SLC39A14: variants seen among roughly 807,000 people sequenced by gnomAD.
SLC39A14 encodes solute carrier family 39 member 14, also known as metal cation symporter ZIP14.
A neutral mutation model predicts 45.5 loss-of-function variants in SLC39A14; 19 were observed. The ratio of observed to expected loss-of-function variants is 0.42; its 90% CI spans 0.29 to 0.61. The LOEUF is 0.61. Ranked by LOEUF, SLC39A14 falls within the 20% of genes least tolerant of loss-of-function variation. The pLI is 0.22. For synonymous variants in SLC39A14, 264 were observed against 251.3 expected (o/e 1.05, Z -0.48); for missense variants, 447 against 616.5 (o/e 0.73, Z 2.91).
intron 7 of SLC39A14, 44 bp downstream of exon 7, chr8:22,416,324 G>A: frequency 1.9e-6 from 3 of 1,549,096 alleles, no homozygotes; most frequent in Non-Finnish European, 1.8e-6. Flanking sequence ...CTTGGGTGGT[G>A]GTGTAGGCCC....
intron 1 of SLC39A14, among the ~76,000 whole-genome samples, chr8:22,369,668 G>A (rs60149886): frequency 0.01 from 1,540 of 152,298 alleles, 25 homozygotes; most frequent in East Asian, 0.069. Context: ...GGCCTTTTGA[G>A]ATAGGTGGGT....
chr8:22,384,857 G>A (rs952795564), intron 1 of SLC39A14, among the ~76,000 whole-genome samples: 4 of 151,542 alleles, frequency 2.6e-5, no homozygotes, highest in Non-Finnish European at 5.9e-5. Context: ...TCAGACCAGC[G>A]TCACCAACAA....
rs35361668 is a variant in SLC39A14, at chr8:22,412,065, C to A, written c.486C>A (p.Thr162=). ...GGGGATACGGTCTCCTCTGTGTGACCGTCATCTCCCTCTGCTCCCTCCTGG... is the reference window on the plus strand; with the variant it reads ...GGGGATACGGTCTCCTCTGTGTGACAGTCATCTCCCTCTGCTCCCTCCTGG... ...EVWGYGLLCV[T]VISLCSLLGA... is the part of the protein sequence containing the mutation. The change falls in exon 4 of 9, where the codon ACC becomes ACA. Residue 162 remains threonine, a synonymous_variant. Transcript: ENST00000381237. The A allele has an allele frequency of 1.9e-6, 3 of 1,551,418 alleles. No individual in the cohort carries two copies. Among genetic ancestry groups the A allele is most frequent in the Non-Finnish European group, 2.6e-6 (3 of 1,146,998 alleles).
At chr8:22,390,817 C>G (rs1834033002) in intron 1 of SLC39A14, among the ~76,000 whole-genome samples, 1 of 152,126 alleles carries the variant, frequency 6.6e-6, no homozygotes, top group Non-Finnish European at 1.5e-5. Context: ...ATCCTCCCAC[C>G]TCAGCCTCTC....
intron 5 of SLC39A14, 29 bp from the exon 6 acceptor site, chr8:22,415,740 A>C (rs752944188): frequency 6.2e-7 from 1 of 1,600,556 alleles, no homozygotes; most frequent in Admixed American, 1.8e-5. Flanking sequence ...GGTGAATGTC[A>C]TGCTGATCCC....
Position 22,429,089 on chromosome 8 carries a change from G to A in SLC39A14, c.1333-4802G>A, listed in dbSNP as rs113231416. ...AGATCGAGACCATCCTGGCTAACAC[G>A]GTGAAACCCCGTCTCTACTAAAAAT... On this transcript the variant is annotated intron_variant, in intron 8 of 8. Coordinates refer to the SLC39A14 transcript ENST00000240095. Among the ~76,000 whole-genome samples, 1,505 of 152,036 alleles carry A rather than the reference G, an allele frequency of 9.9e-3. 27 individuals are homozygous for A. The highest frequency in any genetic ancestry group is 0.034 in the African/African-American group (1,427 of 41,476).
downstream of SLC39A14, among the ~76,000 whole-genome samples, chr8:22,426,725 C>G (rs780833469): frequency 9.9e-5 from 15 of 151,916 alleles, no homozygotes; most frequent in South Asian, 2.1e-4. Flanking sequence ...ACTCTGTTGC[C>G]CAGGCTGGAG....
intron 1 of SLC39A14, among the ~76,000 whole-genome samples, chr8:22,384,728 C>CAGA (rs1246281905): frequency 7.4e-6 from 1 of 135,392 alleles, no homozygotes; most frequent in African/African-American, 2.9e-5. Context: ...GCCTGGGCAA[C>CAGA]AGAGTGAGAC....
At position 22,420,740 on chromosome 8, in the gene SLC39A14, T is replaced by C. The variant is rs867169404; in HGVS notation, c.*1042T>C. ...GAATCAGTGCAGGCAAAATTTAGGA[T>C]TTGCCGCTTCCATAAATCAAAGCAT... On this transcript the variant is annotated 3_prime_UTR_variant, in exon 9 of 9. Coordinates refer to ENST00000381237, the MANE Select transcript of SLC39A14 (RefSeq NM_001128431.4). 6.1e-6 allele frequency: 6 copies of C among 985,346 alleles called. No homozygotes were observed. In the Middle Eastern group the frequency reaches 2.6e-3, roughly 429 times the overall value. The allele number at this position is 985,346 out of a possible 1,614,324, so 61.0% of individuals were successfully genotyped here.
downstream of SLC39A14, among the ~76,000 whole-genome samples, chr8:22,427,659 A>G (rs144295605): frequency 5.4e-3 from 828 of 152,320 alleles, 3 homozygotes; most frequent in African/African-American, 0.017. Flanking sequence ...GTGGCCCTTG[A>G]AGTGAAATAT....
downstream of SLC39A14, among the ~76,000 whole-genome samples, chr8:22,423,988 T>C (rs1014723410): frequency 6.6e-6 from 1 of 151,916 alleles, no homozygotes; most frequent in African/African-American, 2.4e-5. Flanking sequence ...TAATTTTTTT[T>C]TTTTTATAGA....
chr8:22,370,169 T>G (rs943337545), intron 1 of SLC39A14, among the ~76,000 whole-genome samples: 1 of 151,954 alleles, frequency 6.6e-6, no homozygotes, highest in Non-Finnish European at 1.5e-5. Context: ...TGTGTGCACA[T>G]CTGTGCACAT....
intron 8 of SLC39A14, among the ~76,000 whole-genome samples, chr8:22,418,042 A>G (rs1053479187): frequency 6.6e-6 from 1 of 152,062 alleles, no homozygotes; most frequent in Non-Finnish European, 1.5e-5. Context: ...AGCTGGGATT[A>G]CAGACGTGTG....
At chr8:22,428,538 G>T (rs1836422184) in intron 8 of SLC39A14, among the ~76,000 whole-genome samples, 1 of 150,844 alleles carries the variant, frequency 6.6e-6, no homozygotes, top group South Asian at 2.1e-4. Flanking sequence ...TGCCTCCCGG[G>T]TTCAAGCGAT....
intron 8 of SLC39A14, among the ~76,000 whole-genome samples, chr8:22,433,253 G>A (rs956297279): frequency 1.3e-5 from 2 of 151,710 alleles, no homozygotes; most frequent in Admixed American, 6.5e-5. Context: ...AATTATGTCA[G>A]TTTTGGTTCG....
intron 1 of SLC39A14, among the ~76,000 whole-genome samples, chr8:22,381,957 A>G (rs973525064): frequency 6.6e-6 from 1 of 152,160 alleles, no homozygotes; most frequent in Non-Finnish European, 1.5e-5. Flanking sequence ...CCTGGCCGAC[A>G]TGGTGAAACC....
At chr8:22,383,288 G>A (rs1419204915) in intron 1 of SLC39A14, among the ~76,000 whole-genome samples, 1 of 151,984 alleles carries the variant, frequency 6.6e-6, no homozygotes, top group Non-Finnish European at 1.5e-5. Flanking sequence ...CCTTTTCTTT[G>A]TTCCCTGCTG....
At chr8:22,383,272 TCTGATCCTTTTCTTTGTTCCCTG>T (rs972721509) in intron 1 of SLC39A14, among the ~76,000 whole-genome samples, 4 of 152,148 alleles carry the variant, frequency 2.6e-5, no homozygotes, top group African/African-American at 9.7e-5. Flanking sequence ...GAAGATCCCT[TCTGATCCTTTTCTTTGTTCCCTG>T]CTGGGGAACA....
In SLC39A14 at chr8:22,414,766, T is replaced by C. The variant is rs776291573; in HGVS notation, c.628-14T>C. 156 of 1,585,936 alleles carry C rather than the reference T, an allele frequency of 9.8e-5. 2 individuals carry two copies. In the East Asian group the frequency reaches 3.5e-3, roughly 35 times the overall value. ...ATTTTCTTTAAAACTCATTTTCTTT[T>C]CCTGGGTCCACAGGCATTTGGTTTC... On this transcript the variant is annotated splice_polypyrimidine_tract_variant and intron_variant, in intron 4 of 8. Coordinates refer to ENST00000381237, the MANE Select transcript of SLC39A14 (RefSeq NM_001128431.4).
Sources: gnomAD v4.1 joint callset for allele counts (sites outside exome capture counted in the v4.1 genomes callset) on GRCh38, gnomAD v4.1.1 for gene constraint, MANE v1.5 for transcripts, NCBI Gene and HGNC (gene_info 2026-07-23, HGNC 2026-07-21) for gene names.